Variants in FSTL5 observed in about 807,000 individuals in gnomAD.
The protein encoded by FSTL5 is follistatin like 5.
FSTL5 carries 62 observed loss-of-function variants against 89.1 expected under a neutral mutation model. That is an observed-to-expected ratio of 0.70 (90% CI 0.57 to 0.86). FSTL5 has a LOEUF of 0.86. Ranked by LOEUF, FSTL5 falls within the 40% of genes least tolerant of loss-of-function variation. The pLI is 0.00. For missense variants in FSTL5, 1,057 were observed against 1,001.6 expected (o/e 1.06, Z -0.75); for synonymous variants, 383 against 346.2 (o/e 1.11, Z -1.18).
chr4:161,586,939 A>G lies in FSTL5; in HGVS notation c.1015+516T>C, dbSNP rs566199720. ...CAGTCATATGTGTAATCCTGTATTA[A>G]TGCTAGTAAATAACTAAAATTTGAA... On this transcript the variant is annotated intron_variant, in intron 8 of 15. Transcript: ENST00000306100. Among the ~76,000 whole-genome samples, 109 of 152,356 alleles carry G rather than the reference A, an allele frequency of 7.2e-4. 1 individual carries two copies. The highest frequency in any genetic ancestry group is 1.9e-3 in the South Asian group (9 of 4,832).
chr4:162,129,158 C>A (rs528618112), intron 1 of FSTL5, among the ~76,000 whole-genome samples: 1 of 152,304 alleles, frequency 6.6e-6, no homozygotes, highest in South Asian at 2.1e-4. Flanking sequence ...GTCTTGAACT[C>A]CTGACCTCAG....
At position 162,129,353 on chromosome 4, in the gene FSTL5, C is replaced by T. The variant is rs112699848; in HGVS notation, c.-16-17941G>A. Among the ~76,000 whole-genome samples the T allele has an allele frequency of 5.8e-3, 889 of 152,220 alleles. 6 individuals are homozygous for T. The highest frequency in any genetic ancestry group is 0.02 in the African/African-American group (850 of 41,540). Reference sequence around the variant, plus strand: ...TACTGCATATCATTTGTATGTTAAGCTTTAAAACAATATCTCCCAGAAAAC... The same window carrying T: ...TACTGCATATCATTTGTATGTTAAGTTTTAAAACAATATCTCCCAGAAAAC... On this transcript the variant is annotated intron_variant, in intron 1 of 15. Transcript: ENST00000306100.
chr4:161,498,143 G>T (rs1267122091), intron 12 of FSTL5, among the ~76,000 whole-genome samples: 1 of 151,794 alleles, frequency 6.6e-6, no homozygotes, highest in African/African-American at 2.4e-5. Context: ...GATACATAGA[G>T]AAATAATATG....
At chr4:161,606,609 C>T (rs553520844) in intron 7 of FSTL5, among the ~76,000 whole-genome samples, 1 of 152,088 alleles carries the variant, frequency 6.6e-6, no homozygotes, top group African/African-American at 2.4e-5. Flanking sequence ...ATTTCTTTCT[C>T]AGTTGATCAC....
intron 15 of FSTL5, among the ~76,000 whole-genome samples, chr4:161,411,077 G>A (rs999055752): frequency 7.0e-6 from 1 of 143,708 alleles, no homozygotes; most frequent in Non-Finnish European, 1.5e-5. Flanking sequence ...TCTATGCACA[G>A]AAATTCTAGA....
chr4:161,590,908 C>T (rs537885381), intron 7 of FSTL5, among the ~76,000 whole-genome samples: 2 of 152,240 alleles, frequency 1.3e-5, no homozygotes, highest in Non-Finnish European at 2.9e-5. Context: ...GAACTGAAAA[C>T]ATGTCTAATA....
intron 3 of FSTL5, among the ~76,000 whole-genome samples, chr4:161,970,626 T>G (rs1342064717): frequency 6.6e-6 from 1 of 152,044 alleles, no homozygotes; most frequent in Non-Finnish European, 1.5e-5. Flanking sequence ...ATCTGTGCAG[T>G]GGAAAACAGA....
At chr4:161,477,384 T>C (rs1240936548) in intron 13 of FSTL5, among the ~76,000 whole-genome samples, 1 of 150,472 alleles carries the variant, frequency 6.6e-6, no homozygotes, top group Non-Finnish European at 1.5e-5. Context: ...AATCTGAGGG[T>C]TTACATAAGT....
chr4:161,795,556 TAC>T (rs1425040576), intron 4 of FSTL5, among the ~76,000 whole-genome samples: 3 of 152,130 alleles, frequency 2.0e-5, no homozygotes, highest in Non-Finnish European at 2.9e-5. Flanking sequence ...TGTTTCAATA[TAC>T]ACAGAGTGAA....
chr4:162,053,590 G>A (rs1307422437), intron 2 of FSTL5, among the ~76,000 whole-genome samples: 2 of 151,520 alleles, frequency 1.3e-5, no homozygotes, highest in African/African-American at 4.8e-5. Flanking sequence ...CCTGAATATA[G>A]AATATAAATT....
intron 7 of FSTL5, among the ~76,000 whole-genome samples, chr4:161,648,649 T>C (rs1736233157): frequency 7.2e-6 from 1 of 139,164 alleles, no homozygotes; most frequent in African/African-American, 2.8e-5. Context: ...AGGTCTACTG[T>C]TTACACAATT....
chr4:161,550,895 C>A (rs982738164), intron 8 of FSTL5, among the ~76,000 whole-genome samples: 26 of 151,732 alleles, frequency 1.7e-4, no homozygotes, highest in Non-Finnish European at 3.5e-4. Flanking sequence ...CATCCATGTC[C>A]CTACAAAGGA....
chr4:161,556,608 A>T (rs1450296314), intron 8 of FSTL5, among the ~76,000 whole-genome samples: 1 of 151,598 alleles, frequency 6.6e-6, no homozygotes, highest in Non-Finnish European at 1.5e-5. Flanking sequence ...AAAATATAAA[A>T]ACTATGCAGA....
chr4:161,760,110 A>T (rs1206165057), intron 5 of FSTL5, among the ~76,000 whole-genome samples: 1 of 152,222 alleles, frequency 6.6e-6, no homozygotes, highest in Non-Finnish European at 1.5e-5. Context: ...GACTGTTTCC[A>T]GGAGCTAGAT....
intron 1 of FSTL5, among the ~76,000 whole-genome samples, chr4:162,146,690 CTT>C: frequency 7.4e-6 from 1 of 134,914 alleles, no homozygotes; most frequent in African/African-American, 2.6e-5. Flanking sequence ...CTTCCCTTCC[CTT>C]CCCTTCCCTT....
At chr4:162,010,736 A>G (rs1271098135) in intron 3 of FSTL5, among the ~76,000 whole-genome samples, 1 of 152,202 alleles carries the variant, frequency 6.6e-6, no homozygotes, top group Admixed American at 6.5e-5. Context: ...CACTTTGTAC[A>G]TTTCAAAGGT....
At chr4:161,443,657 C>T (rs939708772) in intron 15 of FSTL5, among the ~76,000 whole-genome samples, 1 of 151,886 alleles carries the variant, frequency 6.6e-6, no homozygotes, top group Non-Finnish European at 1.5e-5. Context: ...ATGCCTTCAA[C>T]ACAAAGTAAA....
intron 4 of FSTL5, among the ~76,000 whole-genome samples, chr4:161,856,636 AT>A (rs936307630): frequency 1.4e-5 from 2 of 141,300 alleles, no homozygotes; most frequent in Non-Finnish European, 3.0e-5. Context: ...TCCGTAACTC[AT>A]TTATTTGCAT....
intron 6 of FSTL5, among the ~76,000 whole-genome samples, chr4:161,687,414 A>G (rs1315145432): frequency 6.6e-6 from 1 of 152,044 alleles, no homozygotes; most frequent in Admixed American, 6.6e-5. Context: ...ATTTTCATAC[A>G]TTTATTTTTT....
Sources: gnomAD v4.1 joint callset for allele counts (sites outside exome capture counted in the v4.1 genomes callset) on GRCh38, gnomAD v4.1.1 for gene constraint, MANE v1.5 for transcripts, NCBI Gene and HGNC (gene_info 2026-07-23, HGNC 2026-07-21) for gene names.